The following CCHCR1 variants were observed in gnomAD, a reference collection of about 807,000 sequenced individuals.
CCHCR1 encodes HCR (a-helix coiled-coil rod homologue).
Under a neutral mutation model 114.6 loss-of-function variants are expected in CCHCR1, and 91 were observed. That is an observed-to-expected ratio of 0.79 (90% CI 0.67 to 0.94). The LOEUF is 0.94. Among genes scored for constraint, CCHCR1 ranks in the 40% least tolerant of loss-of-function variants. The pLI is 0.00. For synonymous variants in CCHCR1, 379 were observed against 428.5 expected (o/e 0.88, Z 1.43); for missense variants, 899 against 1,079.9 (o/e 0.83, Z 2.35).
intron 4 of CCHCR1, among the ~76,000 whole-genome samples, chr6:31,153,711 C>T (rs1302048019): frequency 6.6e-6 from 1 of 152,208 alleles, no homozygotes; most frequent in African/African-American, 2.4e-5. Flanking sequence ...TCCCAAGTAG[C>T]TGGGATTACA....
chr6:31,157,792 T>G lies in CCHCR1; in HGVS notation c.-192A>C, dbSNP rs2239524. ...GAGTCCTAACACATAGTGGGCACTT[T>G]AAGATCTTCCTCCCACCCTCCCACC... is the stretch of plus-strand genomic sequence containing the variant. On this transcript the variant is annotated 5_prime_UTR_variant, in exon 1 of 18. Coordinates refer to ENST00000396268, the MANE Select transcript of CCHCR1 (RefSeq NM_001105564.2). 0.62 allele frequency: 363,152 copies of G among 589,818 alleles called. 113,004 individuals carry two copies. Among genetic ancestry groups the G allele is most frequent in the Middle Eastern group, 0.69 (1,549 of 2,238 alleles). 36.5% of individuals were successfully genotyped at this position (589,818 alleles called of 1,614,324 possible).
chr6:31,149,947 C>G, intron 8 of CCHCR1, 119 bp downstream of exon 8: 1 of 1,094,868 alleles, frequency 9.1e-7, no homozygotes, highest in Non-Finnish European at 1.3e-6. Flanking sequence ...TAGTTTTGTT[C>G]AGGGCTGTGT....
Position 31,148,734 on chromosome 6 carries a change from G to A in CCHCR1, c.1363-6C>T, listed in dbSNP as rs774594648. 32 of 1,583,554 alleles carry A rather than the reference G, an allele frequency of 2.0e-5. No homozygotes were observed. Among genetic ancestry groups the A allele is most frequent in the Non-Finnish European group, 2.7e-5 (31 of 1,153,250 alleles). On this transcript the variant is annotated splice_region_variant and splice_polypyrimidine_tract_variant and intron_variant, in intron 8 of 17. Coordinates refer to ENST00000396268, the MANE Select transcript of CCHCR1 (RefSeq NM_001105564.2). ...TTTTCCTGGAGTGAGGCCACCTGGG[G>A]GAGGAGAGAGAGCTAGGCAGGGCCC...
chr6:31,155,107 G>A (rs747453580), intron 3 of CCHCR1, among the ~76,000 whole-genome samples: 4 of 152,062 alleles, frequency 2.6e-5, no homozygotes, highest in Non-Finnish European at 5.9e-5. Flanking sequence ...TATATCATTA[G>A]GCCACACATT....
intron 10 of CCHCR1, among the ~76,000 whole-genome samples, chr6:31,147,827 T>C (rs3131013): frequency 0.71 from 108,398 of 151,700 alleles, 38,657 homozygotes; most frequent in Middle Eastern, 0.78. Flanking sequence ...ATTAGCCGGG[T>C]GTAGTGGAGG....
At chr6:31,155,658 C>G (rs569702981) in intron 3 of CCHCR1, among the ~76,000 whole-genome samples, 1 of 150,438 alleles carries the variant, frequency 6.6e-6, no homozygotes, top group African/African-American at 2.5e-5. Flanking sequence ...TCTGAGAGAA[C>G]AGTACATAAA....
At chr6:31,158,141 A>G (rs1776371564), upstream of CCHCR1, 1 of 150,554 alleles carries the variant, frequency 6.6e-6, no homozygotes, top group Non-Finnish European at 1.5e-5. Flanking sequence ...CCCGCCCCCA[A>G]CCGACTCTTC....
Position 31,151,293 on chromosome 6 carries a change from CAGG to C in CCHCR1, c.802-174_802-172del, listed in dbSNP as rs1248042546. On this transcript the variant is annotated intron_variant, in intron 4 of 17. Coordinates refer to ENST00000396268, the MANE Select transcript of CCHCR1 (RefSeq NM_001105564.2). The surrounding 1 kb of genome is among the most constrained non-coding windows in gnomAD (Gnocchi z 4.1). Reference sequence around the variant, plus strand: ...TCTCCGCAGCTGCCCCACAACCCATCAGGAGTTCTTGTCCGATCTCCCCCAAAA... The same window carrying C: ...TCTCCGCAGCTGCCCCACAACCCATCAGTTCTTGTCCGATCTCCCCCAAAA... 4.6e-5 allele frequency among the ~76,000 whole-genome samples: 7 copies of C among 152,236 alleles called. No homozygotes were observed. The highest frequency in any genetic ancestry group is 8.8e-5 in the Non-Finnish European group (6 of 68,040).
intron 8 of CCHCR1, 131 bp from the exon 9 acceptor site, chr6:31,148,859 G>GGGGGGGGGGGGGGCAA: frequency 7.4e-6 from 1 of 134,800 alleles, no homozygotes; most frequent in South Asian, 1.1e-4. Context: ...GGGGGCGGGC[G>GGGGGGGGGGGGGGCAA]ACGGGGGTGG....
Position 31,150,334 on chromosome 6 carries a change from C to T in CCHCR1, c.1213-119G>A. On this transcript the variant is annotated intron_variant, in intron 7 of 17. Coordinates refer to ENST00000396268, the MANE Select transcript of CCHCR1 (RefSeq NM_001105564.2). This position sits in a 1 kb window ranked among gnomAD's most constrained non-coding sequence, Gnocchi z 5.3. ...CATGAGCTACAGCAAGAGGAGTTCA[C>T]AGGAAGGAGATCTAAGCAGGTTCTG... 2.9e-6 allele frequency: 4 copies of T among 1,362,102 alleles called. No individual in the cohort carries two copies. Among genetic ancestry groups the T allele is most frequent in the Non-Finnish European group, 4.1e-6 (4 of 971,598 alleles). The allele number at this position is 1,362,102 out of a possible 1,614,324, so 84.4% of individuals were successfully genotyped here. A position where few individuals can be genotyped will look rare whatever the true frequency, so the allele number is the denominator to read the frequency against.
chr6:31,145,861 A>C lies in CCHCR1; in HGVS notation c.1581-53T>G. 3 of 1,107,424 alleles carry C rather than the reference A, an allele frequency of 2.7e-6. No individual in the cohort carries two copies. In the South Asian group the frequency reaches 3.7e-5, roughly 14 times the overall value. 68.6% of individuals were successfully genotyped at this position (1,107,424 alleles called of 1,614,324 possible). ...CCATGCCTCCCCTCATTCCCAAAGGACTTGCTGTGCCTTGTATAGACAACT... is the reference window on the plus strand; with the variant it reads ...CCATGCCTCCCCTCATTCCCAAAGGCCTTGCTGTGCCTTGTATAGACAACT... On this transcript the variant is annotated intron_variant, in intron 10 of 17. Coordinates refer to ENST00000396268, the MANE Select transcript of CCHCR1 (RefSeq NM_001105564.2).
chr6:31,145,168 TG>T lies in CCHCR1; in HGVS notation c.1873del (p.Gln625LysfsTer9). The T allele has an allele frequency of 6.2e-7, 1 of 1,612,432 alleles. No individual in the cohort carries two copies. Among genetic ancestry groups the T allele is most frequent in the South Asian group, 1.1e-5 (1 of 91,078 alleles). On this transcript the variant is annotated frameshift_variant, in exon 13 of 18. Transcript: ENST00000396268. LOFTEE classifies it high-confidence loss of function. ...IQQEVGRAREQGEAERQQLSK... is the reference protein window; with the variant it reads ...IQQEVGRAREXGEAERQQLSK... The stretch of plus-strand genomic sequence containing the variant: ...CACCCCCTGGCAACCAGGTGTACCT[TG>T]CTCCCGAGCCCGGCCCACCTCCTGC...
At position 31,150,260 on chromosome 6, in the gene CCHCR1, G is replaced by A. The variant is rs755445010; in HGVS notation, c.1213-45C>T. 5 of 1,597,336 alleles carry A rather than the reference G, an allele frequency of 3.1e-6. No homozygotes were observed. In the South Asian group the frequency reaches 5.5e-5, roughly 18 times the overall value. ...AGAAAAGTGTGGGCTCCTGGGGGAG[G>A]AGAGGAAGGAGGTGGCATCTTTGTT... On this transcript the variant is annotated intron_variant, in intron 7 of 17. Coordinates refer to ENST00000396268, the MANE Select transcript of CCHCR1 (RefSeq NM_001105564.2). The surrounding 1 kb of genome is among the most constrained non-coding windows in gnomAD (Gnocchi z 5.3).
chr6:31,157,959 C>A (rs1776336959), upstream of CCHCR1: 1 of 325,964 alleles, frequency 3.1e-6, no homozygotes, highest in Admixed American at 4.5e-5. Context: ...CCCCTGTACG[C>A]TAGCCGGCTC....
At position 31,148,645 on chromosome 6, in the gene CCHCR1, C is replaced by G. The variant is rs1268258792; in HGVS notation, c.1446G>C (p.Glu482Asp). ...LQRSLQDKAA[E>D]VEVERMGAKG... Reference sequence around the variant, plus strand: ...TGGCACCCATACGCTCCACCTCCACCTCTGCGGCTTTGTCCTGCAGGGATC... The same window carrying G: ...TGGCACCCATACGCTCCACCTCCACGTCTGCGGCTTTGTCCTGCAGGGATC... Residue 482 changes from glutamate (E) to aspartate (D), a missense_variant, in exon 9 of 18, where the codon GAG (glutamate) becomes GAC (aspartate). Glu to Asp is a conservative substitution (Grantham distance 45). Transcript: ENST00000396268. The G allele has an allele frequency of 6.2e-7, 1 of 1,612,902 alleles. No homozygotes were observed. The highest frequency in any genetic ancestry group is 1.1e-5 in the South Asian group (1 of 91,090).
chr6:31,149,441 ACTTT>A (rs1774882497), intron 8 of CCHCR1: 1 of 151,596 alleles, frequency 6.6e-6, no homozygotes, highest in South Asian at 2.1e-4. Context: ...TTTTCTTACT[ACTTT>A]CTTTTTTTTT....
At chr6:31,155,880 C>T (rs960956569) in intron 3 of CCHCR1, among the ~76,000 whole-genome samples, 1 of 152,164 alleles carries the variant, frequency 6.6e-6, no homozygotes, top group Admixed American at 6.5e-5. Context: ...CTTCTGAGCT[C>T]AAGGGGTCCT....
rs1291187728 is a variant in CCHCR1, at chr6:31,147,931, T to C, written c.1580+474A>G. 3.3e-5 allele frequency among the ~76,000 whole-genome samples: 5 copies of C among 152,186 alleles called. No individual in the cohort carries two copies. In the East Asian group the frequency reaches 5.8e-4, roughly 18 times the overall value. On this transcript the variant is annotated intron_variant, in intron 10 of 17. Coordinates refer to ENST00000396268, the MANE Select transcript of CCHCR1 (RefSeq NM_001105564.2). Reference sequence around the variant, plus strand: ...GAGGTGAGGTTGCAGTGAGCCAAGATTGCGCCATTGCACTCCAGCCTGGGT... The same window carrying C: ...GAGGTGAGGTTGCAGTGAGCCAAGACTGCGCCATTGCACTCCAGCCTGGGT...
Position 31,144,703 on chromosome 6 carries a change from C to T in CCHCR1, c.2151G>A (p.Arg717=). 1.2e-6 allele frequency: 2 copies of T among 1,610,306 alleles called. No homozygotes were observed. Among genetic ancestry groups the T allele is most frequent in the Non-Finnish European group, 1.7e-6 (2 of 1,177,224 alleles). Residue 717 remains arginine, a synonymous_variant, in exon 15 of 18, where the codon AGG becomes AGA. Transcript: ENST00000396268. The surrounding 1 kb of genome is among the most constrained non-coding windows in gnomAD (Gnocchi z 4.6). ...DTERRLNEAR[R]EHAKAVVSLR... The stretch of plus-strand genomic sequence containing the variant: ...AAGGCTCACCGGCCTTGGCATGCTC[C>T]CTCCGAGCCTCGTTCAGCCTCCTCT...
Sources: gnomAD v4.1 joint callset for allele counts (sites outside exome capture counted in the v4.1 genomes callset) on GRCh38, gnomAD v4.1.1 for gene constraint, Gnocchi (gnomAD v3.1) non-coding constraint, MANE v1.5 for transcripts, NCBI Gene and HGNC (gene_info 2026-07-23, HGNC 2026-07-21) for gene names.